Variants in VEPH1 observed in about 807,000 individuals in gnomAD.
VEPH1 encodes ventricular zone expressed PH domain containing 1, also known as ventricular zone-expressed PH domain-containing protein homolog 1.
A neutral mutation model predicts 85.2 loss-of-function variants in VEPH1; 80 were observed. The ratio of observed to expected loss-of-function variants is 0.94; its 90% CI spans 0.78 to 1.13. The LOEUF (loss-of-function observed/expected upper bound fraction) is 1.13. VEPH1 is among the 50% of genes most tolerant of loss of function. The pLI, the probability that VEPH1 is intolerant of heterozygous loss-of-function variation, is 0.00. For missense variants in VEPH1, 955 were observed against 980.5 expected (o/e 0.97, Z 0.35); for synonymous variants, 297 against 348.0 (o/e 0.85, Z 1.63).
At chr3:157,406,021 T>G (rs575565101) in intron 6 of VEPH1, among the ~76,000 whole-genome samples, 1 of 152,300 alleles carries the variant, frequency 6.6e-6, no homozygotes, top group Non-Finnish European at 1.5e-5. Flanking sequence ...TTTGCCTTTG[T>G]TTTCCTTATA....
intron 6 of VEPH1, among the ~76,000 whole-genome samples, chr3:157,408,183 C>A (rs1181815343): frequency 1.3e-5 from 2 of 152,132 alleles, no homozygotes; most frequent in Non-Finnish European, 2.9e-5. Context: ...TCTTTATAAT[C>A]TACTCAGTAT....
At chr3:157,264,210 T>C (rs1232375450) in intron 13 of VEPH1, among the ~76,000 whole-genome samples, 3 of 152,220 alleles carry the variant, frequency 2.0e-5, no homozygotes, top group Non-Finnish European at 4.4e-5. Flanking sequence ...GCTCCTGGTT[T>C]TGGGGCCTTC....
chr3:157,316,707 C>T (rs1720788581), intron 10 of VEPH1, among the ~76,000 whole-genome samples: 1 of 151,928 alleles, frequency 6.6e-6, no homozygotes, highest in African/African-American at 2.4e-5. Context: ...CTAACATTAA[C>T]TGGAGATTGG....
chr3:157,468,391 G>A (rs1483044852), intron 3 of VEPH1, among the ~76,000 whole-genome samples: 1 of 152,132 alleles, frequency 6.6e-6, no homozygotes, highest in East Asian at 1.9e-4. Flanking sequence ...TGGCCAATAT[G>A]GTGAAACCCC....
intron 2 of VEPH1, among the ~76,000 whole-genome samples, chr3:157,483,813 C>T (rs923852871): frequency 3.3e-5 from 5 of 151,924 alleles, no homozygotes; most frequent in African/African-American, 1.2e-4. Flanking sequence ...GTTCTCAATG[C>T]CTAGAATATT....
At chr3:157,390,241 A>G (rs1274472348) in intron 6 of VEPH1, among the ~76,000 whole-genome samples, 3 of 152,236 alleles carry the variant, frequency 2.0e-5, no homozygotes, top group African/African-American at 7.2e-5. Flanking sequence ...AATTTTTAAA[A>G]AGAAAAGATC....
intron 4 of VEPH1, among the ~76,000 whole-genome samples, chr3:157,436,080 C>T (rs1345966951): frequency 6.6e-6 from 1 of 152,074 alleles, no homozygotes; most frequent in African/African-American, 2.4e-5. Flanking sequence ...AGTTCGAGAC[C>T]AGCCTGGCTA....
chr3:157,386,136 T>A (rs982617256), intron 6 of VEPH1, among the ~76,000 whole-genome samples: 7 of 151,474 alleles, frequency 4.6e-5, no homozygotes, highest in African/African-American at 1.7e-4. Context: ...TCAGTAGTTT[T>A]GCTTGAAATG....
intron 7 of VEPH1, among the ~76,000 whole-genome samples, chr3:157,369,754 AAGAT>A (rs1397461997): frequency 3.9e-5 from 6 of 152,330 alleles, no homozygotes; most frequent in African/African-American, 1.2e-4. Flanking sequence ...TTAATATAAA[AAGAT>A]AGAAGTATTT....
intron 12 of VEPH1, among the ~76,000 whole-genome samples, chr3:157,275,261 A>G (rs1715230143): frequency 6.6e-6 from 1 of 152,194 alleles, no homozygotes; most frequent in Non-Finnish European, 1.5e-5. Context: ...CTTCAAAAGA[A>G]AACATATTCT....
chr3:157,300,928 A>G (rs1475668694), intron 11 of VEPH1, among the ~76,000 whole-genome samples: 1 of 152,238 alleles, frequency 6.6e-6, no homozygotes, highest in Non-Finnish European at 1.5e-5. Context: ...TAAGGCATCA[A>G]TAAAAGTCAT....
Position 157,363,475 on chromosome 3 carries a change from C to G in VEPH1, c.1624G>C (p.Glu542Gln), listed in dbSNP as rs1726281779. ...TGCAAGTAGAGCTTATCTTGGTATT[C>G]TATAGGACTTGCAGTTGTCTCTGGA... Reference protein sequence around the residue: ...ETPETTASPIEYQDKLYLHLK... With the variant: ...ETPETTASPIQYQDKLYLHLK... Residue 542 changes from glutamate (E) to glutamine (Q), a missense_variant, in exon 9 of 14, where the codon GAA becomes CAA. Coordinates refer to ENST00000362010, the MANE Select transcript of VEPH1 (RefSeq NM_001167912.2). 3 of 1,613,992 alleles carry G rather than the reference C, an allele frequency of 1.9e-6. No individual in the cohort carries two copies. The highest frequency in any genetic ancestry group is 2.5e-6 in the Non-Finnish European group (3 of 1,179,978).
At chr3:157,281,542 T>A (rs1716124876) in intron 12 of VEPH1, among the ~76,000 whole-genome samples, 1 of 137,386 alleles carries the variant, frequency 7.3e-6, no homozygotes. Context: ...CGAGTTTTCT[T>A]TTTTTTTTTT....
chr3:157,368,113 G>C lies in VEPH1; in HGVS notation c.1128-3601C>G, dbSNP rs116112012. On this transcript the variant is annotated intron_variant, in intron 7 of 13. Transcript: ENST00000362010. ...TAACTGTACTTAACTCACGGGGTTGGTAGAATGATTAAATGACAGAACCAA... is the reference window on the plus strand; with the variant it reads ...TAACTGTACTTAACTCACGGGGTTGCTAGAATGATTAAATGACAGAACCAA... Among the ~76,000 whole-genome samples, 1,047 of 152,260 alleles carry C rather than the reference G, an allele frequency of 6.9e-3. 18 individuals are homozygous for C. The highest frequency in any genetic ancestry group is 0.024 in the African/African-American group (989 of 41,542).
chr3:157,412,257 A>G (rs1376448766), intron 6 of VEPH1, among the ~76,000 whole-genome samples: 1 of 152,186 alleles, frequency 6.6e-6, no homozygotes, highest in East Asian at 1.9e-4. Flanking sequence ...CAGTGCAAGA[A>G]TAGATGGATA....
chr3:157,372,051 T>C (rs1242503939), intron 7 of VEPH1, among the ~76,000 whole-genome samples: 1 of 152,178 alleles, frequency 6.6e-6, no homozygotes, highest in Non-Finnish European at 1.5e-5. Context: ...GAGGGAGACC[T>C]GTAAGGCAAT....
chr3:157,314,330 C>CAAAAAAAAAAAAAAAAAAAAAAA (rs34703314), intron 10 of VEPH1, among the ~76,000 whole-genome samples: 11 of 43,198 alleles, frequency 2.5e-4, no homozygotes, highest in Non-Finnish European at 5.7e-4. Flanking sequence ...GAGGATCCGT[C>CAAAAAAAAAAAAAAAAAAAAAAA]AAAAAAAAAA....
chr3:157,335,238 A>G (rs989243985), intron 9 of VEPH1, among the ~76,000 whole-genome samples: 1 of 99,688 alleles, frequency 1.0e-5, no homozygotes, highest in Non-Finnish European at 1.7e-5. Context: ...CATCTCTATG[A>G]AAAAAAAAAA....
chr3:157,272,442 TCTCTC>T, intron 12 of VEPH1, among the ~76,000 whole-genome samples: 2 of 147,376 alleles, frequency 1.4e-5, no homozygotes, highest in African/African-American at 5.0e-5. Flanking sequence ...TTTCTTTCCT[TCTCTC>T]TCTCTCTTTC....
Sources: allele counts gnomAD v4.1 joint callset (sites outside exome capture counted in the v4.1 genomes callset), GRCh38; gene constraint gnomAD v4.1.1; transcripts MANE v1.5; gene names NCBI Gene and HGNC (gene_info 2026-07-23, HGNC 2026-07-21).